PLCE1: variants seen among roughly 807,000 people sequenced by gnomAD.
The protein encoded by PLCE1 is phospholipase C epsilon 1, also known as 1-phosphatidylinositol 4,5-bisphosphate phosphodiesterase epsilon-1.
Under a neutral mutation model 242.8 loss-of-function variants are expected in PLCE1, and 119 were observed. That is an observed-to-expected ratio of 0.49 (90% confidence interval 0.42 to 0.57). PLCE1 has a LOEUF of 0.57. PLCE1 is among the 20% of genes least tolerant of loss of function. PLCE1 has a pLI of 0.00. For missense variants in PLCE1, 2,441 were observed against 2,788.8 expected, an observed-to-expected ratio of 0.88 and a Z score of 2.81; for synonymous variants, 945 against 1,017.4, an observed-to-expected ratio of 0.93 and a Z score of 1.35.
intron 2 of PLCE1, chr10:94,096,308 A>G (rs2045306742): frequency 6.6e-6 from 1 of 152,200 alleles, no homozygotes; most frequent in South Asian, 2.1e-4. Context: ...GTATTAGTCC[A>G]TTCTCACCCT....
chr10:94,267,512 C>G (rs2051560541), intron 16 of PLCE1, among the ~76,000 whole-genome samples: 1 of 152,160 alleles, frequency 6.6e-6, no homozygotes, highest in Non-Finnish European at 1.5e-5. Flanking sequence ...TAACATTACT[C>G]CATGGGGCAA....
intron 4 of PLCE1, among the ~76,000 whole-genome samples, chr10:94,175,501 T>C (rs575545370): frequency 1.2e-4 from 18 of 152,310 alleles, no homozygotes; most frequent in African/African-American, 3.6e-4. Flanking sequence ...AGGCATACAA[T>C]GTGTTATTAC....
rs187048106 is a variant in PLCE1 at position 94,286,309 on chromosome 10, C to T, written c.5035+1344C>T. Among the ~76,000 whole-genome samples, 5 of 152,120 alleles carry T rather than the reference C, an allele frequency of 3.3e-5. No homozygotes were observed. The East Asian group carries it at 9.7e-4, about 29-fold the overall frequency. On this transcript the variant is annotated intron_variant, in intron 22 of 32. Coordinates refer to ENST00000371380, the MANE Select transcript of PLCE1 (RefSeq NM_016341.4). Reference sequence around the variant, plus strand: ...GCACCTGGTCTCACACAGTGCCTGACAAATGGGCCAGAGGCATTGGGCTAT... The same window carrying T: ...GCACCTGGTCTCACACAGTGCCTGATAAATGGGCCAGAGGCATTGGGCTAT...
intron 2 of PLCE1, among the ~76,000 whole-genome samples, chr10:94,090,188 T>C (rs1481196962): frequency 1.3e-5 from 2 of 151,622 alleles, no homozygotes; most frequent in Non-Finnish European, 2.9e-5. Flanking sequence ...AAAAAAGGAG[T>C]TAAAAATAAC....
At chr10:94,202,703 C>T (rs1018605052) in intron 4 of PLCE1, among the ~76,000 whole-genome samples, 7 of 152,138 alleles carry the variant, frequency 4.6e-5, no homozygotes, top group East Asian at 1.9e-4. Context: ...TGTGTCCGTG[C>T]GGCAGAGGTA....
chr10:94,204,785 A>G (rs1465880311), intron 4 of PLCE1, among the ~76,000 whole-genome samples: 1 of 138,540 alleles, frequency 7.2e-6, no homozygotes, highest in Non-Finnish European at 1.6e-5. Flanking sequence ...GAAGGAAGGA[A>G]GGAAGGAAGG....
chr10:94,145,477 C>A (rs1020416123), intron 3 of PLCE1, among the ~76,000 whole-genome samples: 2 of 152,194 alleles, frequency 1.3e-5, no homozygotes, highest in African/African-American at 4.8e-5. Context: ...CAAATTCCTT[C>A]TTCATGGGCC....
rs767642564 is a variant in PLCE1, at chr10:94,306,692, G to A, written c.5884+4G>A. Reference sequence around the variant, plus strand: ...CCACTGAAAGCTTTAAAACGAGGTAGAATAAAATTGTCCAAATGTTAATAA... The same window carrying A: ...CCACTGAAAGCTTTAAAACGAGGTAAAATAAAATTGTCCAAATGTTAATAA... On this transcript the variant is annotated splice_donor_region_variant and intron_variant, in intron 26 of 32. Transcript: ENST00000371380. This position sits in a 1 kb window ranked among gnomAD's most constrained non-coding sequence, Gnocchi z 5.7. 1.9e-6 allele frequency: 3 copies of A among 1,609,540 alleles called. No homozygotes were observed. In the Admixed American group the frequency reaches 5.0e-5, roughly 27 times the overall value.
At chr10:94,169,719 G>A (rs1184914681) in intron 3 of PLCE1, among the ~76,000 whole-genome samples, 1 of 152,202 alleles carries the variant, frequency 6.6e-6, no homozygotes, top group African/African-American at 2.4e-5. Flanking sequence ...GGGCCTAGCT[G>A]AAGTTAGATA....
intron 26 of PLCE1, among the ~76,000 whole-genome samples, chr10:94,307,650 G>T (rs1180980724): frequency 6.6e-6 from 1 of 152,130 alleles, no homozygotes; most frequent in Admixed American, 6.5e-5. Flanking sequence ...CTTGCAGATG[G>T]TCCCCACACA....
At position 94,234,217 on chromosome 10, in the gene PLCE1, G is replaced by A; in HGVS notation, c.2119G>A (p.Gly707Arg). The change falls in exon 6 of 33, where the codon GGG (glycine) becomes AGG (arginine). Residue 707 changes from glycine (G) to arginine (R), a missense_variant. Around this residue, in one of 5 missense-constraint regions of PLCE1, gnomAD observed 733 missense variants for 754.2 expected, o/e 0.97. Coordinates refer to ENST00000371380, the MANE Select transcript of PLCE1 (RefSeq NM_016341.4). Reference protein sequence around the residue: ...IPGCKVVPFCGVFLKELCEVL... With the variant: ...IPGCKVVPFCRVFLKELCEVL... ...TGGCTGTAAGGTGGTTCCATTCTGTGGGGTGTTTCTGAAGGAGCTCTGTGA... is the reference window on the plus strand; with the variant it reads ...TGGCTGTAAGGTGGTTCCATTCTGTAGGGTGTTTCTGAAGGAGCTCTGTGA... 3 of 1,614,116 alleles carry A rather than the reference G, an allele frequency of 1.9e-6. No individual in the cohort carries two copies. The highest frequency in any genetic ancestry group is 2.5e-6 in the Non-Finnish European group (3 of 1,179,984).
intron 22 of PLCE1, among the ~76,000 whole-genome samples, chr10:94,292,333 A>G (rs559732002): frequency 2.8e-4 from 42 of 152,170 alleles, no homozygotes; most frequent in Admixed American, 1.2e-3. Context: ...AACTGTTTGA[A>G]CGCTGACATG....
intron 4 of PLCE1, among the ~76,000 whole-genome samples, chr10:94,220,532 C>G (rs898751759): frequency 6.6e-6 from 1 of 151,124 alleles, no homozygotes; most frequent in Non-Finnish European, 1.5e-5. Context: ...AGACTGTACT[C>G]GGGGCACAAA....
At chr10:94,260,422 T>C (rs575208134) in intron 13 of PLCE1, among the ~76,000 whole-genome samples, 1 of 152,208 alleles carries the variant, frequency 6.6e-6, no homozygotes, top group South Asian at 2.1e-4. Flanking sequence ...TCCTGGAAAC[T>C]ATAAACACAA....
chr10:94,292,762 G>T (rs925171446), intron 22 of PLCE1, among the ~76,000 whole-genome samples: 2 of 152,182 alleles, frequency 1.3e-5, no homozygotes, highest in Non-Finnish European at 2.9e-5. Flanking sequence ...CTCTCCAAAG[G>T]TACAGTTATG....
At chr10:94,166,825 G>A (rs918423298) in intron 3 of PLCE1, among the ~76,000 whole-genome samples, 2 of 152,154 alleles carry the variant, frequency 1.3e-5, no homozygotes, top group African/African-American at 2.4e-5. Flanking sequence ...AGAATTAAAT[G>A]TGTTACTTAA....
chr10:94,252,706 C>T (rs1453959524), intron 9 of PLCE1, among the ~76,000 whole-genome samples: 3 of 152,068 alleles, frequency 2.0e-5, no homozygotes, highest in Non-Finnish European at 4.4e-5. Flanking sequence ...AGGACATAGA[C>T]ATGTAAACAA....
At chr10:94,070,474 C>A (rs2044319604) in intron 2 of PLCE1, among the ~76,000 whole-genome samples, 1 of 152,326 alleles carries the variant, frequency 6.6e-6, no homozygotes, top group Non-Finnish European at 1.5e-5. Flanking sequence ...GCTTCCCTCT[C>A]TTTCCCAGGA....
chr10:94,040,920 A>T (rs1436077854), intron 2 of PLCE1, among the ~76,000 whole-genome samples: 1 of 152,188 alleles, frequency 6.6e-6, no homozygotes, highest in African/African-American at 2.4e-5. Context: ...GCACAGCCAT[A>T]CTCATTCTTT....
Sources: allele counts gnomAD v4.1 joint callset (sites outside exome capture counted in the v4.1 genomes callset), GRCh38; gene constraint gnomAD v4.1.1; regional missense constraint gnomAD v4.1.1; non-coding constraint Gnocchi (gnomAD v3.1); transcripts MANE v1.5; gene names NCBI Gene and HGNC (gene_info 2026-07-23, HGNC 2026-07-21).